Variants in CA12 observed in about 807,000 individuals in gnomAD.
The protein encoded by CA12 is carbonic anhydrase 12.
In CA12, 36 loss-of-function variants were observed where a neutral mutation model predicts 46.8. The ratio of observed to expected loss-of-function variants is 0.77; its 90% CI spans 0.59 to 1.02. The LOEUF (loss-of-function observed/expected upper bound fraction) is 1.02, where lower values mean the gene tolerates loss of function less well. Ranked by LOEUF, CA12 falls within the 50% of genes least tolerant of loss-of-function variation. The probability of loss-of-function intolerance (pLI) is 0.00; values close to 1 mark genes in which losing one functional copy is unlikely to be tolerated. For missense variants in CA12, 436 were observed against 451.4 expected (o/e 0.97, Z 0.31); for synonymous variants, 202 against 187.0 (o/e 1.08, Z -0.65).
intron 4 of CA12, among the ~76,000 whole-genome samples, chr15:63,344,221 CAGA>C (rs2039117060): frequency 6.6e-6 from 1 of 152,216 alleles, no homozygotes; most frequent in South Asian, 2.1e-4. Flanking sequence ...ATCAAAAACT[CAGA>C]AGAATGCGAC....
At chr15:63,380,862 G>T (rs971546972) in intron 1 of CA12, among the ~76,000 whole-genome samples, 3 of 152,174 alleles carry the variant, frequency 2.0e-5, no homozygotes, top group Non-Finnish European at 4.4e-5. Context: ...ACCAGCCTTG[G>T]CTGTACACGT....
intron 8 of CA12, among the ~76,000 whole-genome samples, chr15:63,333,164 G>A (rs1426469201): frequency 6.6e-6 from 1 of 152,266 alleles, no homozygotes; most frequent in Admixed American, 6.5e-5. Context: ...CATCAAGTGT[G>A]TGTACTTGAA....
intron 1 of CA12, among the ~76,000 whole-genome samples, chr15:63,380,680 C>T (rs1442237781): frequency 6.6e-6 from 1 of 152,178 alleles, no homozygotes; most frequent in African/African-American, 2.4e-5. Flanking sequence ...CAGCCTGGCT[C>T]CCCTGCCCTT....
At position 63,346,662 on chromosome 15, in the gene CA12, C is replaced by G; in HGVS notation, c.154G>C (p.Gly52Arg). Reference sequence around the variant, plus strand: ...AGGTCTATGGGGGACTGCAGCAGGCCCCCACACGACGGGTACTTCTTGGAC... The same window carrying G: ...AGGTCTATGGGGGACTGCAGCAGGCGCCCACACGACGGGTACTTCTTGGAC... Reference protein sequence around the residue: ...SWSKKYPSCGGLLQSPIDLHS... With the variant: ...SWSKKYPSCGRLLQSPIDLHS... Residue 52 changes from glycine (G) to arginine (R), a missense_variant, in exon 3 of 11, where the codon GGC (glycine) becomes CGC (arginine). Physicochemically the swap from Gly to Arg is moderately radical, Grantham distance 125 (BLOSUM62 -2). Transcript: ENST00000178638. 3.1e-6 allele frequency: 5 copies of G among 1,614,122 alleles called. No individual in the cohort carries two copies. Among genetic ancestry groups the G allele is most frequent in the Non-Finnish European group, 4.2e-6 (5 of 1,180,020 alleles).
In CA12 at chr15:63,351,590, G is replaced by C. The variant is rs2039232653; in HGVS notation, c.107-4881C>G. Reference sequence around the variant, plus strand: ...GCCAGCTCCCTGAGCCTAAGAACAGGCTATGCCAACCCACCTTCACAAATG... The same window carrying C: ...GCCAGCTCCCTGAGCCTAAGAACAGCCTATGCCAACCCACCTTCACAAATG... On this transcript the variant is annotated intron_variant, in intron 2 of 10. Coordinates refer to ENST00000178638, the MANE Select transcript of CA12 (RefSeq NM_001218.5). Among the ~76,000 whole-genome samples, 4 of 152,172 alleles carry C rather than the reference G, an allele frequency of 2.6e-5. No individual in the cohort carries two copies. The South Asian group carries it at 8.3e-4, about 31-fold the overall frequency.
intron 8 of CA12, among the ~76,000 whole-genome samples, chr15:63,338,256 T>C (rs1156257462): frequency 6.6e-6 from 1 of 152,230 alleles, no homozygotes; most frequent in Non-Finnish European, 1.5e-5. Context: ...CCAAGGAGGT[T>C]AGACAAAAAT....
At chr15:63,361,722 AAG>A (rs966290264) in intron 2 of CA12, among the ~76,000 whole-genome samples, 1 of 152,176 alleles carries the variant, frequency 6.6e-6, no homozygotes, top group African/African-American at 2.4e-5. Flanking sequence ...TGGGGCAGGA[AAG>A]AGTGGTGGGA....
rs2039517511 is a variant in CA12, at chr15:63,372,282, C to T, written c.106+3376G>A. On this transcript the variant is annotated intron_variant, in intron 2 of 10. Coordinates refer to ENST00000178638, the MANE Select transcript of CA12 (RefSeq NM_001218.5). This position sits in a 1 kb window ranked among gnomAD's most constrained non-coding sequence, Gnocchi z 4.5. ...GTCCATGTCACATCATCCCCAGCCT[C>T]TCTCTCATGATGCCACCTCAGCCAT... 6.6e-6 allele frequency among the ~76,000 whole-genome samples: 1 copy of T among 152,206 alleles called. No homozygotes were observed. Among genetic ancestry groups the T allele is most frequent in the Admixed American group, 6.5e-5 (1 of 15,282 alleles).
intron 2 of CA12, among the ~76,000 whole-genome samples, chr15:63,358,852 G>T (rs1042239639): frequency 6.6e-6 from 1 of 151,932 alleles, no homozygotes; most frequent in Non-Finnish European, 1.5e-5. Flanking sequence ...GCTCTTCCAC[G>T]CCCATGTCCC....
At chr15:63,363,926 G>A (rs1291673141) in intron 2 of CA12, among the ~76,000 whole-genome samples, 1 of 151,960 alleles carries the variant, frequency 6.6e-6, no homozygotes, top group Non-Finnish European at 1.5e-5. Context: ...GGTGGCTCAC[G>A]CCTGTAATCC....
chr15:63,366,013 T>C (rs764704359), intron 2 of CA12, among the ~76,000 whole-genome samples: 10 of 151,986 alleles, frequency 6.6e-5, no homozygotes, highest in Admixed American at 1.3e-4. Flanking sequence ...TGATGGCGTG[T>C]GCCTGTAGTC....
In CA12 at chr15:63,337,879, T is replaced by A. The variant is rs555508487; in HGVS notation, c.874+940A>T. On this transcript the variant is annotated intron_variant, in intron 8 of 10. Transcript: ENST00000178638. Reference sequence around the variant, plus strand: ...GGTGAGAACGGGTTATCTTTAAATATGAACGCCAGGCCCGGTTTGGTCCAC... The same window carrying A: ...GGTGAGAACGGGTTATCTTTAAATAAGAACGCCAGGCCCGGTTTGGTCCAC... Among the ~76,000 whole-genome samples the A allele has an allele frequency of 9.9e-4, 150 of 152,180 alleles. 2 individuals carry two copies. The highest frequency in any genetic ancestry group is 4.4e-4 in the Non-Finnish European group (30 of 68,044).
At chr15:63,371,635 C>G (rs373504740) in intron 2 of CA12, among the ~76,000 whole-genome samples, 3 of 152,242 alleles carry the variant, frequency 2.0e-5, no homozygotes, top group African/African-American at 7.2e-5. Flanking sequence ...CATCCCATCG[C>G]GTTTAAGACT....
At chr15:63,357,229 C>T (rs1379566333) in intron 2 of CA12, among the ~76,000 whole-genome samples, 1 of 152,204 alleles carries the variant, frequency 6.6e-6, no homozygotes, top group Non-Finnish European at 1.5e-5. Flanking sequence ...ATCAGAATCT[C>T]CTAGAGGGCT....
chr15:63,351,542 G>A (rs1462617784), intron 2 of CA12, among the ~76,000 whole-genome samples: 1 of 151,870 alleles, frequency 6.6e-6, no homozygotes, highest in Non-Finnish European at 1.5e-5. Flanking sequence ...CCCACATCCC[G>A]CCCCAGCCTG....
At chr15:63,381,010 G>GCT (rs2152629403) in intron 1 of CA12, among the ~76,000 whole-genome samples, 1 of 44,884 alleles carries the variant, frequency 2.2e-5, no homozygotes, top group Admixed American at 3.0e-4. Flanking sequence ...TCAGAAATAT[G>GCT]CTGTGTGTGT....
At position 63,340,985 on chromosome 15, in the gene CA12, G is replaced by A. The variant is rs1354057266; in HGVS notation, c.526-202C>T. On this transcript the variant is annotated intron_variant, in intron 5 of 10. Transcript: ENST00000178638. The surrounding 1 kb of genome is among the most constrained non-coding windows in gnomAD (Gnocchi z 4.4). Reference sequence around the variant, plus strand: ...TGCCTCTTGCATCTCAGGACGTCCTGTTTTCAGCTTAAGGAGTTGGGCTTG... The same window carrying A: ...TGCCTCTTGCATCTCAGGACGTCCTATTTTCAGCTTAAGGAGTTGGGCTTG... Among the ~76,000 whole-genome samples, 2 of 152,224 alleles carry A rather than the reference G, an allele frequency of 1.3e-5. No homozygotes were observed.
In CA12 at chr15:63,328,084, G is replaced by A. The variant is rs758914499; in HGVS notation, c.907+14C>T. ...CCAGCTGCAGCATGCACGGCTGGCTGCCCAGCCACATACCCAGACTCAGTC... is the reference window on the plus strand; with the variant it reads ...CCAGCTGCAGCATGCACGGCTGGCTACCCAGCCACATACCCAGACTCAGTC... On this transcript the variant is annotated intron_variant, in intron 9 of 10. Coordinates refer to ENST00000178638, the MANE Select transcript of CA12 (RefSeq NM_001218.5). The surrounding 1 kb of genome is among the most constrained non-coding windows in gnomAD (Gnocchi z 5.9). 1.9e-6 allele frequency: 3 copies of A among 1,612,514 alleles called. No homozygotes were observed. The highest frequency in any genetic ancestry group is 4.5e-5 in the East Asian group (2 of 44,896).
At position 63,348,094 on chromosome 15, in the gene CA12, G is replaced by C. The variant is rs534720368; in HGVS notation, c.107-1385C>G. On this transcript the variant is annotated intron_variant, in intron 2 of 10. Coordinates refer to ENST00000178638, the MANE Select transcript of CA12 (RefSeq NM_001218.5). The surrounding 1 kb of genome is among the most constrained non-coding windows in gnomAD (Gnocchi z 4.6). ...AAATGCTATGAGGCGTTGGTCCCAG[G>C]CTTAGTTAGTTCTTACTTCTAGGTC... Among the ~76,000 whole-genome samples, 2 of 152,182 alleles carry C rather than the reference G, an allele frequency of 1.3e-5. No individual in the cohort carries two copies. Among genetic ancestry groups the C allele is most frequent in the African/African-American group, 2.4e-5 (1 of 41,442 alleles).
Sources: gnomAD v4.1 joint callset for allele counts (sites outside exome capture counted in the v4.1 genomes callset) on GRCh38, gnomAD v4.1.1 for gene constraint, Gnocchi (gnomAD v3.1) non-coding constraint, MANE v1.5 for transcripts, NCBI Gene and HGNC (gene_info 2026-07-23, HGNC 2026-07-21) for gene names.